KATNAL2: variants seen among roughly 807,000 people sequenced by gnomAD.
The protein encoded by KATNAL2 is katanin catalytic subunit A1 like 2.
Under a neutral mutation model 76.3 loss-of-function variants are expected in KATNAL2, and 52 were observed. That is an observed-to-expected ratio of 0.68 (90% CI 0.55 to 0.86). The LOEUF (loss-of-function observed/expected upper bound fraction) is 0.86, where lower values mean the gene tolerates loss of function less well. Among genes scored for constraint, KATNAL2 ranks in the 40% least tolerant of loss-of-function variants. The probability of loss-of-function intolerance (pLI) is 0.00; values close to 1 mark genes in which losing one functional copy is unlikely to be tolerated. For synonymous variants in KATNAL2, 243 were observed against 244.2 expected (o/e 1.00, Z 0.05); for missense variants, 660 against 668.9 (o/e 0.99, Z 0.15).
At chr18:46,922,574 G>A (rs868086832) in intron 1 of KATNAL2, among the ~76,000 whole-genome samples, 7 of 151,968 alleles carry the variant, frequency 4.6e-5, no homozygotes, top group African/African-American at 1.4e-4. Flanking sequence ...TGGGTGGATC[G>A]CCTGAGGTCG....
At chr18:46,951,960 A>T (rs2059570041) in intron 3 of KATNAL2, among the ~76,000 whole-genome samples, 1 of 152,082 alleles carries the variant, frequency 6.6e-6, no homozygotes, top group Non-Finnish European at 1.5e-5. Flanking sequence ...TTTAGTAGAC[A>T]TGGGGTTTCA....
intron 3 of KATNAL2, among the ~76,000 whole-genome samples, chr18:47,040,683 C>T (rs1379968228): frequency 6.6e-6 from 1 of 152,096 alleles, no homozygotes; most frequent in Non-Finnish European, 1.5e-5. Context: ...CTTGTAGTCC[C>T]AGCTACTTGG....
At chr18:47,051,123 G>A (rs763840284) in intron 4 of KATNAL2, among the ~76,000 whole-genome samples, 4 of 152,072 alleles carry the variant, frequency 2.6e-5, no homozygotes, top group Non-Finnish European at 5.9e-5. Flanking sequence ...CTAAAGTCCC[G>A]TCCTGTCGCT....
chr18:47,081,721 G>A (rs2062532875), intron 15 of KATNAL2, among the ~76,000 whole-genome samples: 1 of 152,158 alleles, frequency 6.6e-6, no homozygotes, highest in Admixed American at 6.5e-5. Flanking sequence ...CCTACTGTTA[G>A]GTGTGGTCAA....
chr18:47,068,501 A>G (rs2061886697), intron 11 of KATNAL2, among the ~76,000 whole-genome samples: 1 of 152,218 alleles, frequency 6.6e-6, no homozygotes, highest in Non-Finnish European at 1.5e-5. Flanking sequence ...TCTCACTGAA[A>G]TTCCCTGGAT....
intron 11 of KATNAL2, among the ~76,000 whole-genome samples, chr18:47,067,727 G>A (rs2061857407): frequency 6.6e-6 from 1 of 152,236 alleles, no homozygotes; most frequent in Admixed American, 6.5e-5. Context: ...TGATAACTTA[G>A]CTTTTGTTGT....
chr18:47,090,985 G>A (rs1051603601), intron 15 of KATNAL2, among the ~76,000 whole-genome samples: 4 of 152,186 alleles, frequency 2.6e-5, no homozygotes, highest in African/African-American at 9.7e-5. Flanking sequence ...TAGACATACT[G>A]CAAAGACTTC....
At chr18:47,036,592 G>C (rs2060783371) in intron 3 of KATNAL2, among the ~76,000 whole-genome samples, 2 of 152,080 alleles carry the variant, frequency 1.3e-5, no homozygotes, top group Non-Finnish European at 2.9e-5. Context: ...TCTTCCACCT[G>C]TTTTAAAACT....
chr18:47,076,800 TATATATATATATATACAC>T (rs971525613), intron 14 of KATNAL2, among the ~76,000 whole-genome samples: 2 of 32,076 alleles, frequency 6.2e-5, no homozygotes, highest in Non-Finnish European at 1.8e-4. Flanking sequence ...AAATAAATTA[TATATATATATATATACAC>T]ATATATATAT....
At chr18:46,952,572 G>T (rs1313680578) in intron 3 of KATNAL2, among the ~76,000 whole-genome samples, 4 of 151,736 alleles carry the variant, frequency 2.6e-5, no homozygotes, top group Non-Finnish European at 4.4e-5. Flanking sequence ...GCTAACTTTT[G>T]TATTTTTAGT....
At position 47,033,777 on chromosome 18, in the gene KATNAL2, C is replaced by T. The variant is rs984364859; in HGVS notation, c.52-12680C>T. ...CAGGGAAAGCAGCTTCCTCCCGGAA[C>T]TTTGGTGAAGAGAGTGCTTCTGGCT... On this transcript the variant is annotated intron_variant, in intron 3 of 17. Coordinates refer to ENST00000683218, the MANE Select transcript of KATNAL2 (RefSeq NM_001387690.1). 1.9e-6 allele frequency: 3 copies of T among 1,614,238 alleles called. No homozygotes were observed. The African/African-American group carries it at 4.0e-5, about 22-fold the overall frequency.
At chr18:47,052,224 A>C (rs1342458868) in intron 4 of KATNAL2, among the ~76,000 whole-genome samples, 2 of 152,248 alleles carry the variant, frequency 1.3e-5, no homozygotes, top group East Asian at 3.8e-4. Context: ...CAACTGAACA[A>C]GTTAAAAATG....
chr18:47,037,850 ATT>A (rs5824648), intron 3 of KATNAL2, among the ~76,000 whole-genome samples: 4 of 148,024 alleles, frequency 2.7e-5, no homozygotes, highest in African/African-American at 9.9e-5. Flanking sequence ...TAGGAAAGCC[ATT>A]TTTTTTTTTT....
chr18:47,063,314 A>G lies in KATNAL2; in HGVS notation c.679A>G (p.Ile227Val), dbSNP rs1396125554. 3 of 1,613,988 alleles carry G rather than the reference A, an allele frequency of 1.9e-6. No individual in the cohort carries two copies. Among genetic ancestry groups the G allele is most frequent in the East Asian group, 4.5e-5 (2 of 44,876 alleles). Reference sequence around the variant, plus strand: ...ACTGCTGAAACCTCTGAGTGCATTTATTGGCATGAACAGTGAGATGCGAGA... The same window carrying G: ...ACTGCTGAAACCTCTGAGTGCATTTGTTGGCATGAACAGTGAGATGCGAGA... Reference protein sequence around the residue: ...ERLLKPLSAFIGMNSEMRELA... With the variant: ...ERLLKPLSAFVGMNSEMRELA... The change falls in exon 10 of 18, where the codon ATT (isoleucine) becomes GTT (valine). Residue 227 changes from isoleucine to valine, a missense_variant. Transcript: ENST00000683218.
At chr18:47,081,488 A>C (rs1272543211) in intron 15 of KATNAL2, among the ~76,000 whole-genome samples, 1 of 152,242 alleles carries the variant, frequency 6.6e-6, no homozygotes, top group African/African-American at 2.4e-5. Flanking sequence ...AATCCAGCAT[A>C]TATTTTACAC....
intron 3 of KATNAL2, among the ~76,000 whole-genome samples, chr18:47,039,978 A>C (rs558159546): frequency 6.6e-5 from 10 of 152,204 alleles, no homozygotes; most frequent in African/African-American, 9.7e-5. Context: ...CTTTAGAAAA[A>C]TGTAGATCAC....
chr18:46,950,903 C>T (rs919566704), intron 3 of KATNAL2, among the ~76,000 whole-genome samples: 14 of 152,136 alleles, frequency 9.2e-5, no homozygotes, highest in East Asian at 3.9e-4. Flanking sequence ...GGGCTGGTCT[C>T]GAACTCCCAA....
chr18:47,093,518 G>C (rs1308690525), intron 15 of KATNAL2, among the ~76,000 whole-genome samples: 2 of 149,902 alleles, frequency 1.3e-5, no homozygotes, highest in Non-Finnish European at 3.0e-5. Context: ...GTATTTATGT[G>C]CATGTTTGTG....
intron 1 of KATNAL2, among the ~76,000 whole-genome samples, chr18:46,944,556 GA>G (rs2059333525): frequency 6.6e-6 from 1 of 152,042 alleles, no homozygotes; most frequent in Non-Finnish European, 1.5e-5. Flanking sequence ...CCAACATGGT[GA>G]AACCCCACAT....
Sources: allele counts gnomAD v4.1 joint callset (sites outside exome capture counted in the v4.1 genomes callset), GRCh38; gene constraint gnomAD v4.1.1; transcripts MANE v1.5; gene names NCBI Gene and HGNC (gene_info 2026-07-23, HGNC 2026-07-21).